UBE2L3: variants seen among roughly 807,000 people sequenced by gnomAD.
UBE2L3 encodes the protein ubiquitin conjugating enzyme E2 L3.
UBE2L3 carries 1 observed loss-of-function variant against 17.8 expected under a neutral mutation model. The ratio of observed to expected loss-of-function variants is 0.06; its 90% CI spans 0.02 to 0.27. The LOEUF is 0.27. UBE2L3 is among the 10% of genes least tolerant of loss of function. UBE2L3 has a pLI of 1.00. For synonymous variants in UBE2L3, 44 were observed against 68.5 expected (o/e 0.64, Z 1.76); for missense variants, 40 against 192.6 (o/e 0.21, Z 4.69).
intron 3 of UBE2L3, among the ~76,000 whole-genome samples, chr22:21,615,376 A>G (rs1050324787): frequency 2.9e-4 from 44 of 151,976 alleles, no homozygotes; most frequent in African/African-American, 1.0e-3. Flanking sequence ...TAACATGGTG[A>G]AACCCTGTCT....
At chr22:21,619,747 A>G (rs939272100) in intron 3 of UBE2L3, among the ~76,000 whole-genome samples, 2 of 152,236 alleles carry the variant, frequency 1.3e-5, no homozygotes, top group Non-Finnish European at 2.9e-5. Flanking sequence ...GCTAGAGTGC[A>G]GTGGCACGAT....
At chr22:21,588,793 G>A (rs1363222092) in intron 1 of UBE2L3, among the ~76,000 whole-genome samples, 3 of 151,984 alleles carry the variant, frequency 2.0e-5, no homozygotes, top group African/African-American at 7.3e-5. Context: ...CTCCCAAGTA[G>A]CTGGGATTAT....
At chr22:21,593,100 A>G (rs1928345278) in intron 2 of UBE2L3, 144 bp downstream of exon 2, 1 of 692,676 alleles carries the variant, frequency 1.4e-6, no homozygotes, top group Admixed American at 2.3e-5. Flanking sequence ...CTAGGGTGAT[A>G]AGGTAGGGAG....
Position 21,597,775 on chromosome 22 carries a change from A to ATTTTTTTTTTTTTTTT in UBE2L3, c.123+4836_123+4851dup, listed in dbSNP as rs35054754. ...GGATCTTTGATCCATTTATATGTAG[A>ATTTTTTTTTTTTTTTT]TTTTTTTTTTTTTTTTTTTTTTTTT... On this transcript the variant is annotated intron_variant, in intron 2 of 3. Transcript: ENST00000342192. Among the ~76,000 whole-genome samples, 26 of 25,600 alleles carry ATTTTTTTTTTTTTTTT rather than the reference A, an allele frequency of 1.0e-3. 6 individuals are homozygous for ATTTTTTTTTTTTTTTT. Among genetic ancestry groups the ATTTTTTTTTTTTTTTT allele is most frequent in the Admixed American group, 2.3e-3 (3 of 1,300 alleles). 16.8% of individuals were successfully genotyped at this position (25,600 alleles called of 152,430 possible). A position where few individuals can be genotyped will look rare whatever the true frequency, so the allele number is the denominator to read the frequency against.
intron 1 of UBE2L3, among the ~76,000 whole-genome samples, chr22:21,561,349 G>A (rs762250514): frequency 2.0e-5 from 3 of 152,304 alleles, no homozygotes; most frequent in Non-Finnish European, 2.9e-5. Flanking sequence ...GCTGAGGTGG[G>A]AGAATCTCTT....
At position 21,573,197 on chromosome 22, in the gene UBE2L3, T is replaced by C. The variant is rs1298099532; in HGVS notation, c.27+5426T>C. Among the ~76,000 whole-genome samples, 6 of 152,180 alleles carry C rather than the reference T, an allele frequency of 3.9e-5. No individual in the cohort carries two copies. In the East Asian group the frequency reaches 1.2e-3, roughly 29 times the overall value. ...AGAAGTGCACATGAGCAGGCCCTGC[T>C]CTCAGAGATTGGAGCAGAATTTAGT... is the stretch of plus-strand genomic sequence containing the variant. On this transcript the variant is annotated intron_variant, in intron 1 of 3. Coordinates refer to ENST00000342192, the MANE Select transcript of UBE2L3 (RefSeq NM_003347.4).
intron 1 of UBE2L3, among the ~76,000 whole-genome samples, chr22:21,589,776 G>A (rs972917201): frequency 2.0e-5 from 3 of 152,176 alleles, no homozygotes; most frequent in African/African-American, 7.2e-5. Flanking sequence ...GTTCTTCCTT[G>A]TTGGTTAGAA....
intron 1 of UBE2L3, among the ~76,000 whole-genome samples, chr22:21,557,671 C>T (rs1364198949): frequency 2.0e-5 from 3 of 152,214 alleles, no homozygotes; most frequent in Non-Finnish European, 2.9e-5. Flanking sequence ...TACAGGTGCC[C>T]GCCACCGAGC....
chr22:21,605,663 G>A (rs1260162948), intron 2 of UBE2L3, among the ~76,000 whole-genome samples: 4 of 152,046 alleles, frequency 2.6e-5, no homozygotes, highest in African/African-American at 7.2e-5. Flanking sequence ...GTGCCACCAC[G>A]CCTGGCTAAT....
At chr22:21,568,732 C>G (rs990592640) in intron 1 of UBE2L3, among the ~76,000 whole-genome samples, 1 of 151,952 alleles carries the variant, frequency 6.6e-6, no homozygotes, top group African/African-American at 2.4e-5. Context: ...CTGCAACGGG[C>G]CGGAAATTAA....
At chr22:21,587,342 C>G (rs1408514370) in intron 1 of UBE2L3, among the ~76,000 whole-genome samples, 1 of 152,140 alleles carries the variant, frequency 6.6e-6, no homozygotes, top group Non-Finnish European at 1.5e-5. Context: ...AGGCAGGCGC[C>G]ACCATGTCCA....
At chr22:21,582,915 G>A (rs1423238606) in intron 1 of UBE2L3, among the ~76,000 whole-genome samples, 1 of 152,156 alleles carries the variant, frequency 6.6e-6, no homozygotes, top group Admixed American at 6.5e-5. Context: ...TTGTACTGGA[G>A]GCTGATGCAA....
intron 1 of UBE2L3, among the ~76,000 whole-genome samples, chr22:21,578,655 G>A (rs1927455165): frequency 6.6e-6 from 1 of 152,180 alleles, no homozygotes; most frequent in Non-Finnish European, 1.5e-5. Context: ...CCGGCAGCCA[G>A]AAGCTGGTGT....
upstream of UBE2L3, among the ~76,000 whole-genome samples, chr22:21,565,970 C>T (rs1430943275): frequency 1.6e-5 from 2 of 124,978 alleles, no homozygotes; most frequent in Non-Finnish European, 3.4e-5. Flanking sequence ...TCAGAGTACT[C>T]CTTTTTTTTT....
chr22:21,563,751 A>T (rs1926536551), upstream of UBE2L3, among the ~76,000 whole-genome samples: 1 of 149,522 alleles, frequency 6.7e-6, no homozygotes, highest in Non-Finnish European at 1.5e-5. Flanking sequence ...TAATTTTTGT[A>T]TTTTTAGTAG....
intron 1 of UBE2L3, among the ~76,000 whole-genome samples, chr22:21,569,543 T>G (rs993652759): frequency 3.3e-5 from 5 of 152,188 alleles, no homozygotes; most frequent in Admixed American, 3.3e-4. Flanking sequence ...CAGAGTTCTT[T>G]TAAAGCAGAT....
At chr22:21,565,605 T>C (rs1926596861), upstream of UBE2L3, among the ~76,000 whole-genome samples, 1 of 150,346 alleles carries the variant, frequency 6.7e-6, no homozygotes, top group Non-Finnish European at 1.5e-5. Context: ...ATACAAAAAT[T>C]AGCTGGGCAT....
rs1930045254 is a variant in UBE2L3 at position 21,621,755 on chromosome 22, A to G, written c.*86A>G. On this transcript the variant is annotated 3_prime_UTR_variant, in exon 4 of 4. Coordinates refer to ENST00000342192, the MANE Select transcript of UBE2L3 (RefSeq NM_003347.4). Reference sequence around the variant, plus strand: ...CCCCGCAAAGCAGGACTCTGTGGAAATTGACACGTGCCACCGCCTGGCGTT... The same window carrying G: ...CCCCGCAAAGCAGGACTCTGTGGAAGTTGACACGTGCCACCGCCTGGCGTT... The G allele has an allele frequency of 1.0e-5, 10 of 1,003,008 alleles. No individual in the cohort carries two copies. The East Asian group carries it at 2.7e-4, about 27-fold the overall frequency. The allele number at this position is 1,003,008 out of a possible 1,614,324, so 62.1% of individuals were successfully genotyped here. A position where few individuals can be genotyped will look rare whatever the true frequency, so the allele number is the denominator to read the frequency against.
chr22:21,565,675 C>T (rs988425340), upstream of UBE2L3, among the ~76,000 whole-genome samples: 1 of 139,736 alleles, frequency 7.2e-6, no homozygotes, highest in Non-Finnish European at 1.5e-5. Flanking sequence ...ATCACTTGAA[C>T]CCGGGAGGCA....
Sources: gnomAD v4.1 joint callset for allele counts (sites outside exome capture counted in the v4.1 genomes callset) on GRCh38, gnomAD v4.1.1 for gene constraint, MANE v1.5 for transcripts, NCBI Gene and HGNC (gene_info 2026-07-23, HGNC 2026-07-21) for gene names.